Variants in C8orf89 observed in about 807,000 individuals in gnomAD.
The protein encoded by C8orf89 is chromosome 8 open reading frame 89.
C8orf89 carries 14 observed loss-of-function variants against 15.8 expected under a neutral mutation model. That is an observed-to-expected ratio of 0.89 (90% CI 0.59 to 1.39). The LOEUF is 1.39. Among genes scored for constraint, C8orf89 ranks in the 40% most tolerant of loss-of-function variants. The pLI is 0.00. For missense variants in C8orf89, 181 were observed against 184.5 expected, an observed-to-expected ratio of 0.98 and a Z score of 0.11; for synonymous variants, 55 against 62.2, an observed-to-expected ratio of 0.88 and a Z score of 0.54.
At chr8:73,271,729 C>T in the C8orf89 span, among the ~76,000 whole-genome samples, 1 of 152,046 alleles carries the variant, frequency 6.6e-6, no homozygotes. Context: ...TAAAGACACC[C>T]GAGACTGTGC....
intron 3 of C8orf89, among the ~76,000 whole-genome samples, chr8:73,243,765 A>G (rs2130243382): frequency 6.6e-6 from 1 of 152,262 alleles, no homozygotes; most frequent in South Asian, 2.1e-4. Flanking sequence ...CCTGGCTTCA[A>G]GTCACCTGCC....
upstream of C8orf89, among the ~76,000 whole-genome samples, chr8:73,261,804 G>T (rs1326252148): frequency 6.6e-6 from 1 of 152,096 alleles, no homozygotes; most frequent in Non-Finnish European, 1.5e-5. Flanking sequence ...GCTCAGCACT[G>T]GTTCCAAAGG....
intron 1 of C8orf89, 35 bp downstream of exon 1, chr8:73,259,297 T>C (rs1563533933): frequency 3.0e-6 from 4 of 1,355,720 alleles, no homozygotes; most frequent in South Asian, 1.5e-5. Flanking sequence ...ACTATTTCTA[T>C]GTTTTCTTAA....
chr8:73,242,441 T>G (rs1490750513), intron 3 of C8orf89, among the ~76,000 whole-genome samples: 1 of 152,126 alleles, frequency 6.6e-6, no homozygotes. Context: ...AAACCCTGTC[T>G]CATTTAAACT....
the C8orf89 span, among the ~76,000 whole-genome samples, chr8:73,273,948 T>C: frequency 6.6e-6 from 1 of 152,108 alleles, no homozygotes; most frequent in African/African-American, 2.4e-5. Context: ...AGAAATACCA[T>C]TAAAAGGTCA....
the C8orf89 span, among the ~76,000 whole-genome samples, chr8:73,284,074 A>C: frequency 6.6e-6 from 1 of 151,886 alleles, no homozygotes; most frequent in East Asian, 1.9e-4. Flanking sequence ...AAGAATGCCT[A>C]TTGTTGCATT....
Position 73,259,384 on chromosome 8 carries a change from A to T in C8orf89, c.75T>A (p.Ile25=), listed in dbSNP as rs1813477453. 2 of 1,530,986 alleles carry T rather than the reference A, an allele frequency of 1.3e-6. No homozygotes were observed. Among genetic ancestry groups the T allele is most frequent in the African/African-American group, 1.4e-5 (1 of 73,044 alleles). 94.8% of individuals were successfully genotyped at this position (1,530,986 alleles called of 1,614,324 possible). Reference sequence around the variant, plus strand: ...CTGCTTTCTTCCAACTACTCTCAAAAATCAAACAACTGCCAAAGGAACTTC... The same window carrying T: ...CTGCTTTCTTCCAACTACTCTCAAATATCAAACAACTGCCAAAGGAACTTC... ...FTRSSFGSCL[I]FESSWKKAVL... is the part of the protein sequence containing the mutation. Residue 25 remains isoleucine (I), a synonymous_variant, in exon 1 of 4, where the codon ATT becomes ATA. Coordinates refer to ENST00000624510, the MANE Select transcript of C8orf89 (RefSeq NM_001243237.3).
At chr8:73,261,833 A>G (rs576735336), upstream of C8orf89, among the ~76,000 whole-genome samples, 1 of 152,178 alleles carries the variant, frequency 6.6e-6, no homozygotes, top group African/African-American at 2.4e-5. Context: ...GGCAGCTCCA[A>G]CCTGTCCTGC....
At chr8:73,277,506 C>T in the C8orf89 span, 1 of 788,520 alleles carries the variant, frequency 1.3e-6, no homozygotes, top group Non-Finnish European at 2.2e-6. Flanking sequence ...CGAAAACTTC[C>T]CTGAGGATGA....
chr8:73,256,726 C>CAAAAAAAAAAAAAAAAAAAAAAAAAAA (rs11288188), intron 2 of C8orf89, among the ~76,000 whole-genome samples: 1 of 43,702 alleles, frequency 2.3e-5, no homozygotes, highest in African/African-American at 7.9e-5. Flanking sequence ...GACTCTGTCT[C>CAAAAAAAAAAAAAAAAAAAAAAAAAAA]AAAAAAAAAA....
the C8orf89 span, among the ~76,000 whole-genome samples, chr8:73,265,033 G>A: frequency 6.6e-6 from 1 of 152,028 alleles, no homozygotes; most frequent in Non-Finnish European, 1.5e-5. Flanking sequence ...TCAGAATTGT[G>A]ATGTGCTATA....
chr8:73,258,509 G>T (rs1379400502), intron 1 of C8orf89, among the ~76,000 whole-genome samples: 2 of 151,652 alleles, frequency 1.3e-5, no homozygotes, highest in African/African-American at 4.8e-5. Context: ...AAGTAAGGGG[G>T]AATAACTATT....
chr8:73,267,903 C>T, the C8orf89 span, among the ~76,000 whole-genome samples: 2 of 152,178 alleles, frequency 1.3e-5, no homozygotes, highest in African/African-American at 2.4e-5. Flanking sequence ...GTACTAACTC[C>T]TGCCGAAGAT....
intron 3 of C8orf89, among the ~76,000 whole-genome samples, chr8:73,246,334 T>C (rs1813122970): frequency 6.6e-6 from 1 of 152,232 alleles, no homozygotes; most frequent in Admixed American, 6.5e-5. Flanking sequence ...CAAATGTTCA[T>C]TTGGGCCGAG....
upstream of C8orf89, among the ~76,000 whole-genome samples, chr8:73,262,640 G>A (rs895387960): frequency 6.6e-6 from 1 of 151,778 alleles, no homozygotes; most frequent in Admixed American, 6.6e-5. Context: ...AACATAGTGA[G>A]ACCCCCTAAT....
At chr8:73,268,441 T>C in the C8orf89 span, among the ~76,000 whole-genome samples, 1 of 151,348 alleles carries the variant, frequency 6.6e-6, no homozygotes, top group Non-Finnish European at 1.5e-5. Flanking sequence ...ATCGCGCCAC[T>C]GCACTCCAGC....
chr8:73,261,459 G>C (rs1434785963), upstream of C8orf89, among the ~76,000 whole-genome samples: 1 of 151,990 alleles, frequency 6.6e-6, no homozygotes, highest in African/African-American at 2.4e-5. Flanking sequence ...GGAACAGGGA[G>C]AAGGGGAGGG....
At chr8:73,260,617 G>A (rs118152853), upstream of C8orf89, among the ~76,000 whole-genome samples, 25 of 152,310 alleles carry the variant, frequency 1.6e-4, no homozygotes, top group East Asian at 4.8e-3. Context: ...TGCCGTGGGA[G>A]CACACAGCAG....
At chr8:73,284,017 G>A in the C8orf89 span, among the ~76,000 whole-genome samples, 1 of 150,740 alleles carries the variant, frequency 6.6e-6, no homozygotes, top group Non-Finnish European at 1.5e-5. Context: ...ACTCCAGCCT[G>A]GGCAACAAGA....
Sources: allele counts gnomAD v4.1 joint callset (sites outside exome capture counted in the v4.1 genomes callset), GRCh38; gene constraint gnomAD v4.1.1; transcripts MANE v1.5; gene names NCBI Gene and HGNC (gene_info 2026-07-23, HGNC 2026-07-21).